MICAL3: variants seen among roughly 807,000 people sequenced by gnomAD.
The protein encoded by MICAL3 is [F-actin]-monooxygenase MICAL3.
In MICAL3, 62 loss-of-function variants were observed where a neutral mutation model predicts 207.4. The ratio of observed to expected loss-of-function variants is 0.30; its 90% CI spans 0.24 to 0.37. The LOEUF (loss-of-function observed/expected upper bound fraction) is 0.37, where lower values mean the gene tolerates loss of function less well. Among genes scored for constraint, MICAL3 ranks in the 10% least tolerant of loss-of-function variants. The probability of loss-of-function intolerance (pLI) is 1.00; values close to 1 mark genes in which losing one functional copy is unlikely to be tolerated. For missense variants in MICAL3, 2,368 were observed against 2,635.6 expected, an observed-to-expected ratio of 0.90 and a Z score of 2.22; for synonymous variants, 1,077 against 1,069.3, an observed-to-expected ratio of 1.01 and a Z score of -0.14.
chr22:17,877,387 T>TGGAGGTTAGGGAGGTTAGGGAGGTTAG, intron 16 of MICAL3, among the ~76,000 whole-genome samples: 1 of 12,036 alleles, frequency 8.3e-5, no homozygotes, highest in Non-Finnish European at 1.6e-4. Flanking sequence ...AGGGAGGTTA[T>TGGAGGTTAGGGAGGTTAGGGAGGTTAG]GGAGGTTAGG....
Position 17,908,055 on chromosome 22 carries a change from G to A in MICAL3, c.-74-1169C>T, listed in dbSNP as rs754096613. ...CCGGCTCCTGTGAGTCTGCAGAATCGTTTTTGCGTCACATCTGATGAAACC... is the reference window on the plus strand; with the variant it reads ...CCGGCTCCTGTGAGTCTGCAGAATCATTTTTGCGTCACATCTGATGAAACC... On this transcript the variant is annotated intron_variant, in intron 1 of 31. Transcript: ENST00000441493. 7.2e-5 allele frequency among the ~76,000 whole-genome samples: 11 copies of A among 152,110 alleles called. No individual in the cohort carries two copies. In the South Asian group the frequency reaches 1.0e-3, roughly 14 times the overall value.
intron 1 of MICAL3, among the ~76,000 whole-genome samples, chr22:17,957,799 CT>C (rs144452403): frequency 0.01 from 1,505 of 149,794 alleles, 20 homozygotes; most frequent in African/African-American, 0.031. Context: ...TCTTTCTTTA[CT>C]AAGAGAAGCT....
intron 7 of MICAL3, among the ~76,000 whole-genome samples, chr22:17,897,570 G>T (rs1328165065): frequency 1.3e-5 from 2 of 152,092 alleles, no homozygotes; most frequent in African/African-American, 4.8e-5. Context: ...TCTGCCTCAG[G>T]GTTGTTCTGA....
chr22:17,883,631 C>T (rs181340235), intron 16 of MICAL3, among the ~76,000 whole-genome samples: 17 of 152,348 alleles, frequency 1.1e-4, no homozygotes, highest in Admixed American at 9.1e-4. Flanking sequence ...AATTCCTCTG[C>T]TGGGTTTTCT....
Position 17,869,598 on chromosome 22 carries a change from G to A in MICAL3, c.2428+2239C>T, listed in dbSNP as rs192757932. Among the ~76,000 whole-genome samples, 316 of 152,344 alleles carry A rather than the reference G, an allele frequency of 2.1e-3. 2 individuals are homozygous for A. The highest frequency in any genetic ancestry group is 0.01 in the Middle Eastern group (3 of 292). On this transcript the variant is annotated intron_variant, in intron 17 of 31. Transcript: ENST00000441493. ...GAGCAGACGGCATCCTCCAGAAAGA[G>A]CTGAAGACAGAACAAATAGCACCAC...
intron 1 of MICAL3, among the ~76,000 whole-genome samples, chr22:17,999,504 G>A (rs1922685506): frequency 6.6e-6 from 1 of 152,204 alleles, no homozygotes; most frequent in Non-Finnish European, 1.5e-5. Context: ...ACCCAAGGAA[G>A]AGAGGAAAAA....
chr22:17,788,192 A>T lies in MICAL3; in HGVS notation c.*2540T>A, dbSNP rs184950075. On this transcript the variant is annotated 3_prime_UTR_variant, in exon 32 of 32. Transcript: ENST00000441493. Reference sequence around the variant, plus strand: ...GGTTACAAAATGGGAGCTTTAAAAAAAGTGCTCTACTAGAACTGGGTGTCC... The same window carrying T: ...GGTTACAAAATGGGAGCTTTAAAAATAGTGCTCTACTAGAACTGGGTGTCC... 6.6e-6 allele frequency: 1 copy of T among 152,382 alleles called. No individual in the cohort carries two copies. Among genetic ancestry groups the T allele is most frequent in the East Asian group, 1.9e-4 (1 of 5,192 alleles). The allele number at this position is 152,382 out of a possible 1,614,324, so 9.4% of individuals were successfully genotyped here.
chr22:17,806,892 C>T (rs956467270), intron 29 of MICAL3, among the ~76,000 whole-genome samples: 4 of 152,164 alleles, frequency 2.6e-5, no homozygotes, highest in East Asian at 1.9e-4. Context: ...TATTATTTTC[C>T]GGCCCTTTGG....
chr22:17,903,640 T>A (rs2896000), intron 3 of MICAL3, among the ~76,000 whole-genome samples: 2 of 152,122 alleles, frequency 1.3e-5, no homozygotes, highest in East Asian at 3.9e-4. Context: ...CATTCCCAAA[T>A]ACTTGTTAAG....
At chr22:17,791,347 C>T (rs1418193582) in intron 29 of MICAL3, 46 bp from the exon 30 acceptor site, 2 of 1,513,816 alleles carry the variant, frequency 1.3e-6, no homozygotes, top group Non-Finnish European at 1.8e-6. Context: ...GCCGCGCCCA[C>T]CCTGGCCCGC....
At chr22:17,858,436 G>A (rs1926159682) in intron 19 of MICAL3, 1 of 984,782 alleles carries the variant, frequency 1.0e-6, no homozygotes, top group Non-Finnish European at 1.2e-6. Context: ...AGGTTTCAGG[G>A]CTTCGTGAAA....
At chr22:17,893,332 A>G (rs1011506946) in intron 11 of MICAL3, among the ~76,000 whole-genome samples, 4 of 152,126 alleles carry the variant, frequency 2.6e-5, no homozygotes, top group African/African-American at 9.7e-5. Context: ...TCTCTTTCAA[A>G]AAAGTATTCA....
intron 1 of MICAL3, among the ~76,000 whole-genome samples, chr22:17,968,507 T>TC (rs1275577080): frequency 6.6e-6 from 1 of 152,048 alleles, no homozygotes; most frequent in Non-Finnish European, 1.5e-5. Flanking sequence ...AGGCTACATT[T>TC]CCCCACCACA....
intron 1 of MICAL3, among the ~76,000 whole-genome samples, chr22:18,011,809 G>A (rs1037573139): frequency 2.7e-5 from 4 of 148,318 alleles, no homozygotes; most frequent in Admixed American, 2.0e-4. Context: ...GGAGAATGGC[G>A]TGAACCTGGG....
At chr22:17,856,677 A>G (rs1925937871) in intron 19 of MICAL3, among the ~76,000 whole-genome samples, 2 of 132,844 alleles carry the variant, frequency 1.5e-5, no homozygotes, top group East Asian at 4.6e-4. Flanking sequence ...TGCGGACTGC[A>G]GTGGCGCAAT....
chr22:17,896,999 G>C lies in MICAL3; in HGVS notation c.949-18C>G. 6.3e-7 allele frequency: 1 copy of C among 1,597,768 alleles called. No homozygotes were observed. The highest frequency in any genetic ancestry group is 8.5e-7 in the Non-Finnish European group (1 of 1,172,036). ...GCGTAGTCCTGTCTCCAGAGAAAGA[G>C]GAGGGTAGGGATGGAGAAGCTCTGG... On this transcript the variant is annotated intron_variant, in intron 7 of 31. Transcript: ENST00000441493.
chr22:17,855,219 C>G (rs1289851358), intron 19 of MICAL3, among the ~76,000 whole-genome samples: 2 of 152,200 alleles, frequency 1.3e-5, no homozygotes, highest in Non-Finnish European at 2.9e-5. Context: ...CAGAGTGGCC[C>G]AAGCCTGAGT....
intron 1 of MICAL3, among the ~76,000 whole-genome samples, chr22:17,941,461 A>T (rs1377379747): frequency 6.6e-6 from 1 of 152,208 alleles, no homozygotes; most frequent in Non-Finnish European, 1.5e-5. Context: ...GACTTGCAGG[A>T]GACCCTGCCA....
At chr22:17,872,896 T>C (rs1345388534) in intron 16 of MICAL3, 1 of 1,268,088 alleles carries the variant, frequency 7.9e-7, no homozygotes, top group Non-Finnish European at 1.2e-6. Context: ...TGAAGGGAAA[T>C]GAGAAGGAAA....
Sources: gnomAD v4.1 joint callset for allele counts (sites outside exome capture counted in the v4.1 genomes callset) on GRCh38, gnomAD v4.1.1 for gene constraint, MANE v1.5 for transcripts, NCBI Gene and HGNC (gene_info 2026-07-23, HGNC 2026-07-21) for gene names.